The following FSTL5 variants were observed in gnomAD, a reference collection of about 807,000 sequenced individuals.
FSTL5 encodes follistatin-related protein 5.
FSTL5 carries 62 observed loss-of-function variants against 89.1 expected under a neutral mutation model. That is an observed-to-expected ratio of 0.70 (90% confidence interval 0.57 to 0.86). The LOEUF (loss-of-function observed/expected upper bound fraction) is 0.86. FSTL5 is among the 40% of genes least tolerant of loss of function. The probability of loss-of-function intolerance (pLI) is 0.00; values close to 1 mark genes in which losing one functional copy is unlikely to be tolerated. For missense variants in FSTL5, 1,057 were observed against 1,001.6 expected, an observed-to-expected ratio of 1.06 and a Z score of -0.75; for synonymous variants, 383 against 346.2, an observed-to-expected ratio of 1.11 and a Z score of -1.18.
At chr4:161,440,139 A>T (rs150830969) in intron 15 of FSTL5, among the ~76,000 whole-genome samples, 2 of 152,238 alleles carry the variant, frequency 1.3e-5, no homozygotes, top group Non-Finnish European at 2.9e-5. Context: ...TTTTGAGCAG[A>T]AAAAAGAATA....
chr4:161,977,626 A>AT (rs1438272427), intron 3 of FSTL5, among the ~76,000 whole-genome samples: 1,574 of 111,212 alleles, frequency 0.014, 15 homozygotes, highest in East Asian at 0.043. Flanking sequence ...AAAAAAAAAA[A>AT]AAAAAAAAAA....
chr4:162,052,678 G>C (rs138634374), intron 2 of FSTL5, among the ~76,000 whole-genome samples: 7 of 151,760 alleles, frequency 4.6e-5, no homozygotes, highest in Non-Finnish European at 7.4e-5. Context: ...AACACAGAAA[G>C]ATCTCCAAGA....
intron 7 of FSTL5, among the ~76,000 whole-genome samples, chr4:161,649,149 GC>G (rs1284979126): frequency 6.6e-6 from 1 of 151,972 alleles, no homozygotes; most frequent in Non-Finnish European, 1.5e-5. Flanking sequence ...ATGACTAGAG[GC>G]AAAAATTTGG....
At chr4:161,504,447 C>T (rs755479454) in intron 11 of FSTL5, among the ~76,000 whole-genome samples, 8 of 150,986 alleles carry the variant, frequency 5.3e-5, no homozygotes, top group Non-Finnish European at 8.9e-5. Flanking sequence ...TGGTAAAGAT[C>T]GGGAACATGT....
rs564190819 is a variant in FSTL5, at chr4:161,465,923, C to T, written c.1609-6604G>A. Among the ~76,000 whole-genome samples the T allele has an allele frequency of 7.2e-5, 11 of 152,170 alleles. No individual in the cohort carries two copies. The South Asian group carries it at 1.0e-3, about 14-fold the overall frequency. ...TTATTAAACACTTTCAAAAAAGTTTCGAATAATAATTTTAAAATTGTACTC... is the reference window on the plus strand; with the variant it reads ...TTATTAAACACTTTCAAAAAAGTTTTGAATAATAATTTTAAAATTGTACTC... On this transcript the variant is annotated intron_variant, in intron 13 of 15. Transcript: ENST00000306100.
intron 3 of FSTL5, among the ~76,000 whole-genome samples, chr4:161,931,805 C>T (rs1456206237): frequency 6.6e-6 from 1 of 151,820 alleles, no homozygotes; most frequent in Non-Finnish European, 1.5e-5. Context: ...GTTCCTCTCT[C>T]CTGTGGAAGA....
intron 3 of FSTL5, among the ~76,000 whole-genome samples, chr4:162,029,230 T>C (rs1737423695): frequency 6.6e-6 from 1 of 151,826 alleles, no homozygotes; most frequent in Non-Finnish European, 1.5e-5. Context: ...ACATTTATTG[T>C]CCCAAATACA....
intron 4 of FSTL5, among the ~76,000 whole-genome samples, chr4:161,863,887 A>C (rs2126892826): frequency 6.6e-6 from 1 of 152,280 alleles, no homozygotes; most frequent in South Asian, 2.1e-4. Flanking sequence ...TGACAGGCTA[A>C]CAAATTTAGA....
intron 12 of FSTL5, among the ~76,000 whole-genome samples, chr4:161,486,713 G>T (rs1019415732): frequency 1.3e-5 from 2 of 152,022 alleles, no homozygotes; most frequent in Admixed American, 6.6e-5. Flanking sequence ...GTATAAGATT[G>T]CATCATAGGA....
At chr4:161,938,490 A>G (rs1734492380) in intron 3 of FSTL5, among the ~76,000 whole-genome samples, 1 of 152,108 alleles carries the variant, frequency 6.6e-6, no homozygotes, top group Non-Finnish European at 1.5e-5. Flanking sequence ...AAAATACCAT[A>G]AATTGGGCAG....
chr4:161,500,932 C>T (rs1396265647), intron 11 of FSTL5, among the ~76,000 whole-genome samples: 4 of 152,064 alleles, frequency 2.6e-5, no homozygotes, highest in Non-Finnish European at 5.9e-5. Flanking sequence ...AACACCTGTT[C>T]TCTTTGTTTC....
intron 4 of FSTL5, among the ~76,000 whole-genome samples, chr4:161,833,225 A>T (rs914181851): frequency 2.0e-5 from 3 of 152,012 alleles, no homozygotes; most frequent in African/African-American, 7.2e-5. Flanking sequence ...TTCTAGTTTG[A>T]TTGCACTGTG....
chr4:161,501,425 A>G (rs971957125), intron 11 of FSTL5, among the ~76,000 whole-genome samples: 1 of 152,030 alleles, frequency 6.6e-6, no homozygotes, highest in Non-Finnish European at 1.5e-5. Flanking sequence ...CTATGTATCC[A>G]TATATTCCTA....
chr4:161,407,706 G>A (rs926271459), intron 15 of FSTL5, among the ~76,000 whole-genome samples: 2 of 121,318 alleles, frequency 1.6e-5, no homozygotes, highest in Admixed American at 1.6e-4. Context: ...GGAGAAAGTA[G>A]GGCCTGCTTC....
chr4:161,537,717 A>G (rs774958956), intron 10 of FSTL5, among the ~76,000 whole-genome samples: 1 of 152,160 alleles, frequency 6.6e-6, no homozygotes, highest in Non-Finnish European at 1.5e-5. Context: ...GTTACCACTG[A>G]ACCTTCTGTA....
At chr4:161,991,075 A>G (rs576058536) in intron 3 of FSTL5, among the ~76,000 whole-genome samples, 62 of 152,332 alleles carry the variant, frequency 4.1e-4, no homozygotes, top group African/African-American at 1.4e-3. Flanking sequence ...CACTTATTAT[A>G]CCACCATTAA....
Position 161,823,616 on chromosome 4 carries a change from G to C in FSTL5, c.410-47542C>G, listed in dbSNP as rs1730569079. On this transcript the variant is annotated intron_variant, in intron 4 of 15. Transcript: ENST00000306100. ...AAGAGTGCAGGGATGTCCAAGTCTG[G>C]ATCCATGGCTGTGTGGCTGCAACTG... is the stretch of plus-strand genomic sequence containing the variant. Among the ~76,000 whole-genome samples, 3 of 152,198 alleles carry C rather than the reference G, an allele frequency of 2.0e-5. No individual in the cohort carries two copies. In the South Asian group the frequency reaches 6.2e-4, roughly 31 times the overall value.
chr4:162,139,644 TTC>T (rs572052424), intron 1 of FSTL5, among the ~76,000 whole-genome samples: 107 of 152,108 alleles, frequency 7.0e-4, no homozygotes, highest in Non-Finnish European at 1.1e-3. Flanking sequence ...AAAAATTAAT[TTC>T]TCTCTGACAC....
chr4:161,418,485 A>G (rs1731865294), intron 15 of FSTL5, among the ~76,000 whole-genome samples: 1 of 152,140 alleles, frequency 6.6e-6, no homozygotes, highest in Non-Finnish European at 1.5e-5. Context: ...ATCTGCAAAT[A>G]TTTATTTCTT....
Sources: gnomAD v4.1 joint callset for allele counts (sites outside exome capture counted in the v4.1 genomes callset) on GRCh38, gnomAD v4.1.1 for gene constraint, MANE v1.5 for transcripts, NCBI Gene and HGNC (gene_info 2026-07-23, HGNC 2026-07-21) for gene names.